Variants in DIP2C observed in about 807,000 individuals in gnomAD.
DIP2C encodes DIP2 acetate--CoA ligase C (putative).
A neutral mutation model predicts 192.4 loss-of-function variants in DIP2C; 33 were observed. That is an observed-to-expected ratio of 0.17 (90% CI 0.13 to 0.23). The LOEUF (loss-of-function observed/expected upper bound fraction) is 0.23, where lower values mean the gene tolerates loss of function less well. DIP2C is among the 10% of genes least tolerant of loss of function. The probability of loss-of-function intolerance (pLI) is 1.00; values close to 1 mark genes in which losing one functional copy is unlikely to be tolerated. For missense variants in DIP2C, 1,537 were observed against 2,110.1 expected (o/e 0.73, Z 5.32); for synonymous variants, 979 against 864.1 (o/e 1.13, Z -2.33).
intron 1 of DIP2C, among the ~76,000 whole-genome samples, chr10:530,045 C>T (rs552199848): frequency 1.1e-4 from 16 of 152,182 alleles, no homozygotes; most frequent in African/African-American, 3.6e-4. Context: ...GGATGCACTC[C>T]GGTTGCCCGA....
intron 32 of DIP2C, among the ~76,000 whole-genome samples, chr10:305,102 T>C (rs1187301972): frequency 2.6e-5 from 4 of 151,532 alleles, no homozygotes; most frequent in Admixed American, 6.6e-5. Context: ...ACATGCAGTA[T>C]TGCACACACG....
At chr10:336,147 T>G (rs769049378) in intron 29 of DIP2C, among the ~76,000 whole-genome samples, 1 of 152,150 alleles carries the variant, frequency 6.6e-6, no homozygotes, top group African/African-American at 2.4e-5. Flanking sequence ...GGTGGGAGGA[T>G]AGCTTGAGCC....
intron 1 of DIP2C, among the ~76,000 whole-genome samples, chr10:669,863 G>C (rs1857334523): frequency 6.6e-6 from 1 of 152,204 alleles, no homozygotes; most frequent in Admixed American, 6.5e-5. Context: ...TTATAAGAAA[G>C]TTCAATGTAA....
At chr10:404,038 C>A (rs554917396) in intron 9 of DIP2C, among the ~76,000 whole-genome samples, 6 of 148,856 alleles carry the variant, frequency 4.0e-5, no homozygotes, top group South Asian at 4.5e-4. Flanking sequence ...TAGCATTACT[C>A]TTCCTTATGG....
intron 1 of DIP2C, among the ~76,000 whole-genome samples, chr10:621,901 T>G (rs544932804): frequency 5.9e-5 from 9 of 152,192 alleles, no homozygotes; most frequent in African/African-American, 1.9e-4. Context: ...GAATCTACTG[T>G]GAAGGTCTAA....
chr10:601,202 T>C (rs1200963463), intron 1 of DIP2C, among the ~76,000 whole-genome samples: 3 of 152,160 alleles, frequency 2.0e-5, no homozygotes, highest in African/African-American at 4.8e-5. Context: ...CATTGCATCA[T>C]AGAAAGCAAA....
chr10:547,187 G>A (rs1848329995), intron 1 of DIP2C, among the ~76,000 whole-genome samples: 1 of 152,178 alleles, frequency 6.6e-6, no homozygotes, highest in Non-Finnish European at 1.5e-5. Context: ...ACTGAAGTTT[G>A]CTCTCACCCA....
intron 1 of DIP2C, among the ~76,000 whole-genome samples, chr10:542,265 G>A (rs552578096): frequency 1.3e-5 from 2 of 152,334 alleles, no homozygotes; most frequent in East Asian, 3.9e-4. Context: ...CATCAACCAG[G>A]AGGCACTGCT....
intron 1 of DIP2C, among the ~76,000 whole-genome samples, chr10:579,068 T>C (rs943969327): frequency 3.3e-5 from 5 of 152,154 alleles, no homozygotes; most frequent in Admixed American, 2.6e-4. Flanking sequence ...ACAACATGTG[T>C]ATGTGCATAG....
intron 17 of DIP2C, among the ~76,000 whole-genome samples, chr10:379,855 G>A (rs1406692243): frequency 6.6e-6 from 1 of 151,960 alleles, no homozygotes; most frequent in East Asian, 1.9e-4. Context: ...TGGTTAACAC[G>A]CAGAAGAGGC....
chr10:682,600 C>T (rs146196774), intron 1 of DIP2C, among the ~76,000 whole-genome samples: 3 of 152,074 alleles, frequency 2.0e-5, no homozygotes, highest in African/African-American at 4.8e-5. Flanking sequence ...ACTCTATGTA[C>T]GTCATGGCTC....
chr10:341,052 G>T, intron 29 of DIP2C, 147 bp downstream of exon 29: 1 of 1,126,836 alleles, frequency 8.9e-7, no homozygotes, highest in Non-Finnish European at 1.3e-6. Flanking sequence ...TCCACCAGGA[G>T]AAGTAGAGGG....
chr10:290,170 G>A (rs1318964646), intron 32 of DIP2C, among the ~76,000 whole-genome samples: 1 of 152,218 alleles, frequency 6.6e-6, no homozygotes, highest in Non-Finnish European at 1.5e-5. Flanking sequence ...TTTCAGATCA[G>A]ATGACAACCA....
chr10:384,449 G>C (rs148902647), intron 15 of DIP2C, 97 bp downstream of exon 15: 567 of 1,235,366 alleles, frequency 4.6e-4, no homozygotes, highest in Admixed American at 1.1e-3. Context: ...TATTGGCCCG[G>C]GTGGTCTGGA....
rs906808649 is a variant in DIP2C at position 404,231 on chromosome 10, CAG to C, written c.1149+4693_1149+4694del. On this transcript the variant is annotated intron_variant, in intron 9 of 36. Coordinates refer to ENST00000280886, the MANE Select transcript of DIP2C (RefSeq NM_014974.3). The stretch of plus-strand genomic sequence containing the variant: ...CTGGATTTTTTTTTTTTTTTTGAGA[CAG>C]AGTCTTGTTGTGTCACCCAGGCTGG... 1.6e-4 allele frequency among the ~76,000 whole-genome samples: 23 copies of C among 145,906 alleles called. 1 individual carries two copies. The highest frequency in any genetic ancestry group is 4.8e-4 in the African/African-American group (19 of 39,726).
intron 3 of DIP2C, 54 bp downstream of exon 3, chr10:472,385 C>T (rs935703415): frequency 2.2e-5 from 34 of 1,539,684 alleles, no homozygotes; most frequent in African/African-American, 6.8e-5. Flanking sequence ...GCACAGGCAC[C>T]GTCCTGGCAC....
chr10:410,302 C>T (rs2133078230), intron 8 of DIP2C, among the ~76,000 whole-genome samples: 1 of 152,320 alleles, frequency 6.6e-6, no homozygotes, highest in East Asian at 1.9e-4. Flanking sequence ...CGCAGGCAAG[C>T]TGTAATAAAA....
In DIP2C at chr10:275,754, T is replaced by G. The variant is rs1005492339; in HGVS notation, c.*1571A>C. 1 of 152,102 alleles carries G rather than the reference T, an allele frequency of 6.6e-6. No individual in the cohort carries two copies. The highest frequency in any genetic ancestry group is 1.5e-5 in the Non-Finnish European group (1 of 68,036). The allele number at this position is 152,102 out of a possible 1,614,324, so 9.4% of individuals were successfully genotyped here. On this transcript the variant is annotated 3_prime_UTR_variant, in exon 37 of 37. Transcript: ENST00000280886. ...TTGGACACCGTGGGCCAATTCAATTTAGAAGTGCACAGGTGAGCTCTGAGA... is the reference window on the plus strand; with the variant it reads ...TTGGACACCGTGGGCCAATTCAATTGAGAAGTGCACAGGTGAGCTCTGAGA...
chr10:463,818 G>C (rs1398858529), intron 3 of DIP2C, among the ~76,000 whole-genome samples: 1 of 152,140 alleles, frequency 6.6e-6, no homozygotes, highest in East Asian at 1.9e-4. Flanking sequence ...GAACAGAACA[G>C]AGGCCTCAGA....
Sources: allele counts gnomAD v4.1 joint callset (sites outside exome capture counted in the v4.1 genomes callset), GRCh38; gene constraint gnomAD v4.1.1; transcripts MANE v1.5; gene names NCBI Gene and HGNC (gene_info 2026-07-23, HGNC 2026-07-21).